The following SENP7 variants were observed in gnomAD, a reference collection of about 807,000 sequenced individuals.
SENP7 encodes sentrin-specific protease 7.
A neutral mutation model predicts 141.2 loss-of-function variants in SENP7; 64 were observed. The observed-to-expected ratio is 0.45, with a 90% CI of 0.37 to 0.56. The LOEUF (loss-of-function observed/expected upper bound fraction) is 0.56, where lower values mean the gene tolerates loss of function less well. Among genes scored for constraint, SENP7 ranks in the 20% least tolerant of loss-of-function variants. The pLI is 0.00. For missense variants in SENP7, 1,025 were observed against 1,212.2 expected, an observed-to-expected ratio of 0.85 and a Z score of 2.29; for synonymous variants, 382 against 426.4, an observed-to-expected ratio of 0.90 and a Z score of 1.28.
intron 4 of SENP7, among the ~76,000 whole-genome samples, chr3:101,433,777 A>G (rs891180651): frequency 1.4e-4 from 22 of 152,144 alleles, no homozygotes; most frequent in African/African-American, 4.6e-4. Flanking sequence ...CAAGGAAATA[A>G]TATTAGAGCT....
At chr3:101,367,121 G>C (rs750935200) in intron 8 of SENP7, among the ~76,000 whole-genome samples, 5 of 151,660 alleles carry the variant, frequency 3.3e-5, no homozygotes, top group African/African-American at 1.2e-4. Flanking sequence ...TGACTACTTT[G>C]GTAAAACTAC....
intron 3 of SENP7, among the ~76,000 whole-genome samples, chr3:101,463,416 T>TATATAC (rs1175438899): frequency 1.7e-5 from 2 of 116,500 alleles, no homozygotes; most frequent in African/African-American, 7.2e-5. Context: ...TATATATATA[T>TATATAC]ACACACACAT....
At chr3:101,474,825 T>C (rs2064150786) in intron 3 of SENP7, among the ~76,000 whole-genome samples, 1 of 152,298 alleles carries the variant, frequency 6.6e-6, no homozygotes, top group East Asian at 1.9e-4. Context: ...TTGTCATACA[T>C]GGTTCTTATT....
At chr3:101,468,942 C>A (rs2063867361) in intron 3 of SENP7, among the ~76,000 whole-genome samples, 1 of 152,004 alleles carries the variant, frequency 6.6e-6, no homozygotes, top group Non-Finnish European at 1.5e-5. Flanking sequence ...ATGGGAAGAC[C>A]CATTAGTGTG....
At chr3:101,371,548 A>T (rs930315951) in intron 7 of SENP7, among the ~76,000 whole-genome samples, 3 of 152,180 alleles carry the variant, frequency 2.0e-5, no homozygotes, top group African/African-American at 7.2e-5. Flanking sequence ...AAATTTTCAC[A>T]AGTCTAGGAA....
At chr3:101,332,132 T>G in intron 18 of SENP7, 23 bp from the exon 19 acceptor site, 1 of 1,608,872 alleles carries the variant, frequency 6.2e-7, no homozygotes, top group Non-Finnish European at 8.5e-7. Context: ...AACTACAATC[T>G]TAATACCATG....
chr3:101,343,022 T>C (rs1371752351), intron 14 of SENP7, among the ~76,000 whole-genome samples: 2 of 152,112 alleles, frequency 1.3e-5, no homozygotes, highest in Non-Finnish European at 2.9e-5. Context: ...ACTTGTCTCA[T>C]TTTTCTCATA....
intron 4 of SENP7, among the ~76,000 whole-genome samples, chr3:101,435,304 C>A (rs2062342437): frequency 6.6e-6 from 1 of 151,898 alleles, no homozygotes. Flanking sequence ...CACTAGCTAT[C>A]ATAGTTAGTA....
At chr3:101,505,557 A>C (rs2065567279) in intron 1 of SENP7, among the ~76,000 whole-genome samples, 1 of 152,142 alleles carries the variant, frequency 6.6e-6, no homozygotes, top group African/African-American at 2.4e-5. Flanking sequence ...AAAAATTTAC[A>C]ATTTTTTTAT....
At chr3:101,383,907 A>G (rs2107510815) in intron 6 of SENP7, among the ~76,000 whole-genome samples, 1 of 152,326 alleles carries the variant, frequency 6.6e-6, no homozygotes, top group East Asian at 1.9e-4. Flanking sequence ...TCTGGGGCCC[A>G]GGCTCCCAGT....
At chr3:101,484,152 G>A (rs765872041) in intron 3 of SENP7, among the ~76,000 whole-genome samples, 49 of 152,232 alleles carry the variant, frequency 3.2e-4, no homozygotes, top group Admixed American at 3.3e-4. Flanking sequence ...TTTTAAACAT[G>A]ACACCAAAGC....
At position 101,325,912 on chromosome 3, in the gene SENP7, A is replaced by G. The variant is rs376779264; in HGVS notation, c.*31T>C. The G allele has an allele frequency of 4.6e-5, 71 of 1,548,032 alleles. No individual in the cohort carries two copies. In the African/African-American group the frequency reaches 8.5e-4, roughly 19 times the overall value. ...GTAAGAGGCTTTCCAGTAATCTTAG[A>G]GAACATCTGTGTCATGTTTGTACAG... On this transcript the variant is annotated 3_prime_UTR_variant, in exon 24 of 24. Transcript: ENST00000394095.
chr3:101,362,472 A>T (rs559622758), intron 10 of SENP7, among the ~76,000 whole-genome samples: 1 of 152,170 alleles, frequency 6.6e-6, no homozygotes, highest in South Asian at 2.1e-4. Context: ...GCACTTTAAA[A>T]TTTTTTTATT....
chr3:101,424,479 G>A (rs1290041489), intron 4 of SENP7, among the ~76,000 whole-genome samples: 3 of 151,996 alleles, frequency 2.0e-5, no homozygotes, highest in Admixed American at 1.3e-4. Flanking sequence ...AAACCATGGC[G>A]AGCACAAAGC....
intron 14 of SENP7, among the ~76,000 whole-genome samples, chr3:101,342,858 A>G (rs2449824): frequency 0.91 from 137,820 of 152,044 alleles, 62,578 homozygotes; most frequent in East Asian, 1. Flanking sequence ...TAGAGACAGG[A>G]TTTCACCATG....
intron 5 of SENP7, among the ~76,000 whole-genome samples, chr3:101,415,353 G>A (rs1166057280): frequency 9.2e-5 from 14 of 152,156 alleles, no homozygotes; most frequent in Non-Finnish European, 1.5e-5. Context: ...CACTAATTAC[G>A]GGAAGCATAA....
At chr3:101,512,728 C>T (rs934253795) in intron 1 of SENP7, among the ~76,000 whole-genome samples, 3 of 152,138 alleles carry the variant, frequency 2.0e-5, no homozygotes, top group Admixed American at 6.5e-5. Context: ...GGGTCAGGCG[C>T]TGAGAAGCCG....
chr3:101,447,035 G>A (rs567125152), intron 4 of SENP7, among the ~76,000 whole-genome samples: 15 of 151,904 alleles, frequency 9.9e-5, no homozygotes, highest in African/African-American at 3.1e-4. Context: ...AAGTAAGATC[G>A]AAAACAAAAA....
At chr3:101,429,727 T>C (rs2062091251) in intron 4 of SENP7, among the ~76,000 whole-genome samples, 1 of 152,180 alleles carries the variant, frequency 6.6e-6, no homozygotes, top group Non-Finnish European at 1.5e-5. Context: ...CAATACTACG[T>C]TGAATAGGAG....
Sources: gnomAD v4.1 joint callset for allele counts (sites outside exome capture counted in the v4.1 genomes callset) on GRCh38, gnomAD v4.1.1 for gene constraint, MANE v1.5 for transcripts, NCBI Gene and HGNC (gene_info 2026-07-23, HGNC 2026-07-21) for gene names.